Variants in GNG4 observed in about 807,000 individuals in gnomAD.
GNG4 encodes guanine nucleotide-binding protein G(I)/G(S)/G(O) subunit gamma-4.
A neutral mutation model predicts 5.8 loss-of-function variants in GNG4; 4 were observed. That is an observed-to-expected ratio of 0.69 (90% CI 0.34 to 1.57). GNG4 has a LOEUF of 1.57. Among genes scored for constraint, GNG4 ranks in the 40% most tolerant of loss-of-function variants. The pLI is 0.06. For synonymous variants in GNG4, 29 were observed against 32.9 expected (o/e 0.88, Z 0.41); for missense variants, 96 against 95.1 (o/e 1.01, Z -0.04).
Position 235,574,422 on chromosome 1 carries a change from A to G in GNG4, c.99+9318T>C, listed in dbSNP as rs539076206. ...GTACCATTTTAATGAACAGAGAAGT[A>G]GTATCATTTTCAAAACAAGCATTAA... On this transcript the variant is annotated intron_variant, in intron 3 of 3. Coordinates refer to ENST00000391854, the MANE Select transcript of GNG4 (RefSeq NM_001098722.2). Among the ~76,000 whole-genome samples the G allele has an allele frequency of 3.2e-3, 489 of 152,284 alleles. 3 individuals are homozygous for G. The highest frequency in any genetic ancestry group is 4.6e-3 in the Non-Finnish European group (314 of 68,022).
intron 3 of GNG4, among the ~76,000 whole-genome samples, chr1:235,557,424 G>A (rs1558472492): frequency 6.6e-6 from 1 of 152,040 alleles, no homozygotes. Flanking sequence ...GACAGGAGGT[G>A]TCCTCAGCTG....
intron 3 of GNG4, among the ~76,000 whole-genome samples, chr1:235,561,309 A>G (rs1687057351): frequency 6.8e-6 from 1 of 148,126 alleles, no homozygotes; most frequent in Non-Finnish European, 1.5e-5. Context: ...GCGCCCGGCC[A>G]TTTTGCCCAT....
chr1:235,557,445 C>G (rs989156480), intron 3 of GNG4, among the ~76,000 whole-genome samples: 3 of 152,030 alleles, frequency 2.0e-5, no homozygotes, highest in Admixed American at 6.5e-5. Flanking sequence ...GGACTCACCC[C>G]CTTTCCCCCC....
intron 1 of GNG4, among the ~76,000 whole-genome samples, chr1:235,605,610 G>A (rs908893925): frequency 3.9e-5 from 6 of 152,178 alleles, no homozygotes; most frequent in African/African-American, 1.4e-4. Context: ...GTAAGGAGAA[G>A]GTTAGGAAGG....
chr1:235,564,421 G>C (rs1687143184), intron 3 of GNG4, among the ~76,000 whole-genome samples: 1 of 152,252 alleles, frequency 6.6e-6, no homozygotes, highest in South Asian at 2.1e-4. Flanking sequence ...TGTACCCCTT[G>C]AAACTAAAAT....
rs149180137 is a variant in GNG4 at position 235,599,956 on chromosome 1, A to G, written c.-122-4445T>C. Among the ~76,000 whole-genome samples the G allele has an allele frequency of 2.2e-3, 329 of 152,222 alleles. 2 individuals carry two copies. Among genetic ancestry groups the G allele is most frequent in the African/African-American group, 6.4e-3 (264 of 41,546 alleles). ...CCATCCAACGCTTGAAATGTATTTC[A>G]GATGTCAACCCACCAGCCTACCCCA... On this transcript the variant is annotated intron_variant, in intron 1 of 3. Transcript: ENST00000391854.
chr1:235,604,741 T>G (rs9804119), intron 1 of GNG4, among the ~76,000 whole-genome samples: 13,970 of 152,210 alleles, frequency 0.092, 1,090 homozygotes, highest in African/African-American at 0.21. Flanking sequence ...CCAAATAAAG[T>G]CATATTCTGA....
At chr1:235,553,910 T>C (rs1176094016) in intron 3 of GNG4, among the ~76,000 whole-genome samples, 1 of 152,208 alleles carries the variant, frequency 6.6e-6, no homozygotes, top group African/African-American at 2.4e-5. Context: ...CTAAGACGTC[T>C]ATGATTCTAC....
chr1:235,623,350 C>A (rs1308626421), intron 1 of GNG4, among the ~76,000 whole-genome samples: 1 of 152,174 alleles, frequency 6.6e-6, no homozygotes, highest in Non-Finnish European at 1.5e-5. Flanking sequence ...ACGGCCACCG[C>A]TGCAGCCCTG....
intron 1 of GNG4, among the ~76,000 whole-genome samples, chr1:235,610,082 C>T (rs1322762743): frequency 1.3e-5 from 2 of 152,190 alleles, no homozygotes; most frequent in Non-Finnish European, 2.9e-5. Context: ...ATGCCCTGCA[C>T]GGTAGTAAAT....
At chr1:235,606,916 T>C (rs1410729091) in intron 1 of GNG4, among the ~76,000 whole-genome samples, 1 of 150,980 alleles carries the variant, frequency 6.6e-6, no homozygotes, top group African/African-American at 2.4e-5. Context: ...CCTTCCTTCC[T>C]TCCCTCCCTC....
intron 1 of GNG4, among the ~76,000 whole-genome samples, chr1:235,623,758 G>A (rs557393315): frequency 5.3e-5 from 8 of 152,200 alleles, no homozygotes; most frequent in Non-Finnish European, 8.8e-5. Flanking sequence ...GGGTGCCTCC[G>A]CCACAGCAGC....
chr1:235,583,923 A>G (rs1687703670), intron 2 of GNG4, 75 bp from the exon 3 acceptor site: 1 of 828,194 alleles, frequency 1.2e-6, no homozygotes, highest in Non-Finnish European at 2.0e-6. Context: ...CCCACCACCT[A>G]CAGCTTCTCT....
At chr1:235,574,255 C>T (rs1431709616) in intron 3 of GNG4, among the ~76,000 whole-genome samples, 1 of 152,004 alleles carries the variant, frequency 6.6e-6, no homozygotes, top group Non-Finnish European at 1.5e-5. Flanking sequence ...CTTGTAATTC[C>T]AGCTACTCGG....
intron 1 of GNG4, among the ~76,000 whole-genome samples, chr1:235,604,305 C>T (rs1688314835): frequency 6.6e-6 from 1 of 152,194 alleles, no homozygotes; most frequent in Non-Finnish European, 1.5e-5. Context: ...GGGCAGATCA[C>T]CACACGGGGG....
chr1:235,647,072 G>A (rs1034478563), intron 1 of GNG4, among the ~76,000 whole-genome samples: 1 of 151,972 alleles, frequency 6.6e-6, no homozygotes, highest in Non-Finnish European at 1.5e-5. Flanking sequence ...TAGCTTTTCT[G>A]ACTTTCAATT....
Position 235,625,913 on chromosome 1 carries a change from C to T in GNG4, c.-123+23749G>A, listed in dbSNP as rs796703761. ...CTATAAACATCTGTGTGCAGGTTTTCGTGTGAACATAAGTTTTCAACCCAG... is the reference window on the plus strand; with the variant it reads ...CTATAAACATCTGTGTGCAGGTTTTTGTGTGAACATAAGTTTTCAACCCAG... On this transcript the variant is annotated intron_variant, in intron 1 of 3. Coordinates refer to ENST00000391854, the MANE Select transcript of GNG4 (RefSeq NM_001098722.2). 6.6e-5 allele frequency among the ~76,000 whole-genome samples: 10 copies of T among 152,280 alleles called. No individual in the cohort carries two copies. In the South Asian group the frequency reaches 1.5e-3, roughly 22 times the overall value.
chr1:235,600,171 G>A (rs1406003154), intron 1 of GNG4, among the ~76,000 whole-genome samples: 1 of 135,062 alleles, frequency 7.4e-6, no homozygotes, highest in Non-Finnish European at 1.5e-5. Context: ...CTGGAGTACA[G>A]TGGCACGATC....
intron 1 of GNG4, among the ~76,000 whole-genome samples, chr1:235,619,049 C>T (rs1688654349): frequency 6.8e-6 from 1 of 147,272 alleles, no homozygotes; most frequent in Admixed American, 6.9e-5. Flanking sequence ...CCTGTAATCC[C>T]AGCACTTTGG....
Sources: allele counts gnomAD v4.1 joint callset (sites outside exome capture counted in the v4.1 genomes callset), GRCh38; gene constraint gnomAD v4.1.1; transcripts MANE v1.5; gene names NCBI Gene and HGNC (gene_info 2026-07-23, HGNC 2026-07-21).